Variants in STAC observed in about 807,000 individuals in gnomAD.
STAC encodes the protein SH3 and cysteine rich domain.
Under a neutral mutation model 48.8 loss-of-function variants are expected in STAC, and 43 were observed. The ratio of observed to expected loss-of-function variants is 0.88; its 90% CI spans 0.69 to 1.14. The LOEUF is 1.14. STAC is among the 50% of genes most tolerant of loss of function. The probability of loss-of-function intolerance (pLI) is 0.00; values close to 1 mark genes in which losing one functional copy is unlikely to be tolerated. For synonymous variants in STAC, 193 were observed against 179.5 expected (o/e 1.07, Z -0.60); for missense variants, 497 against 504.0 (o/e 0.99, Z 0.13).
intron 1 of STAC, among the ~76,000 whole-genome samples, chr3:36,421,921 C>T (rs1478375320): frequency 6.6e-6 from 1 of 151,886 alleles, no homozygotes; most frequent in Non-Finnish European, 1.5e-5. Flanking sequence ...AGCTTTCATA[C>T]CTTATTTTGA....
Position 36,526,429 on chromosome 3 carries a change from T to C in STAC, c.921-2267T>C, listed in dbSNP as rs190393476. ...CTGGATCTAAGCCTTAGAGGCATCA[T>C]GTGCTTTGCATGTTTCCACGCACTG... On this transcript the variant is annotated intron_variant, in intron 8 of 10. Transcript: ENST00000273183. Among the ~76,000 whole-genome samples, 5 of 152,330 alleles carry C rather than the reference T, an allele frequency of 3.3e-5. No individual in the cohort carries two copies. The East Asian group carries it at 7.7e-4, about 23-fold the overall frequency.
chr3:36,516,581 G>T (rs1677609496), intron 8 of STAC, among the ~76,000 whole-genome samples: 1 of 152,038 alleles, frequency 6.6e-6, no homozygotes, highest in Non-Finnish European at 1.5e-5. Flanking sequence ...ACCTCTGGAG[G>T]TAATGCAGAC....
At chr3:36,473,072 C>T (rs554189102) in intron 2 of STAC, among the ~76,000 whole-genome samples, 3 of 152,236 alleles carry the variant, frequency 2.0e-5, no homozygotes, top group South Asian at 4.2e-4. Context: ...AGAATCATGG[C>T]GGGAGGCAAA....
In STAC at chr3:36,484,988, T is replaced by C. The variant is rs199583942; in HGVS notation, c.501T>C (p.Phe167=). Residue 167 remains phenylalanine, a synonymous_variant, in exon 4 of 11, where the codon TTT becomes TTC. Coordinates refer to ENST00000273183, the MANE Select transcript of STAC (RefSeq NM_003149.3). ...CATTCTCTCTCCAGCCAAAGGGGTT[T>C]CGGCGTTACTACAGCTCCCCCTTGC... The part of the protein sequence containing the change: ...QRCMGKLPKG[F]RRYYSSPLLI... 7 of 1,601,410 alleles carry C rather than the reference T, an allele frequency of 4.4e-6. No homozygotes were observed. The highest frequency in any genetic ancestry group is 5.1e-6 in the Non-Finnish European group (6 of 1,173,872).
At chr3:36,459,771 G>A (rs1047168927) in intron 2 of STAC, among the ~76,000 whole-genome samples, 3 of 152,172 alleles carry the variant, frequency 2.0e-5, no homozygotes, top group Non-Finnish European at 4.4e-5. Context: ...GAAGGTTTCA[G>A]GTAAGGCTAG....
Position 36,478,204 on chromosome 3 carries a change from CAA to C in STAC, c.389-4786_389-4785del, listed in dbSNP as rs138216064. 4.6e-5 allele frequency among the ~76,000 whole-genome samples: 7 copies of C among 152,304 alleles called. No homozygotes were observed. The East Asian group carries it at 5.8e-4, about 13-fold the overall frequency. Reference sequence around the variant, plus strand: ...CTTTCTTCCTTGTTGTCACCTTCCACAAAGAGTCATATCACAATCTTTGCTCC... The same window carrying C: ...CTTTCTTCCTTGTTGTCACCTTCCACAGAGTCATATCACAATCTTTGCTCC... On this transcript the variant is annotated intron_variant, in intron 2 of 10. Coordinates refer to ENST00000273183, the MANE Select transcript of STAC (RefSeq NM_003149.3).
chr3:36,382,920 T>A (rs1170296976), intron 1 of STAC, among the ~76,000 whole-genome samples: 2 of 152,236 alleles, frequency 1.3e-5, no homozygotes, highest in East Asian at 3.9e-4. Flanking sequence ...TGGTCTTGTT[T>A]GTAAAATATC....
At chr3:36,456,314 C>A (rs530584793) in intron 2 of STAC, among the ~76,000 whole-genome samples, 1 of 152,242 alleles carries the variant, frequency 6.6e-6, no homozygotes, top group East Asian at 1.9e-4. Context: ...TATCACTTTG[C>A]CTGATGTTAT....
intron 1 of STAC, among the ~76,000 whole-genome samples, chr3:36,394,971 G>C (rs1246624023): frequency 6.6e-6 from 1 of 151,378 alleles, no homozygotes; most frequent in Admixed American, 6.6e-5. Context: ...GTGAGGGAGA[G>C]AGATAACTCA....
At chr3:36,474,695 A>C (rs1250653366) in intron 2 of STAC, among the ~76,000 whole-genome samples, 1 of 152,196 alleles carries the variant, frequency 6.6e-6, no homozygotes, top group Non-Finnish European at 1.5e-5. Context: ...TTTCAATATG[A>C]GCTCCACAGC....
chr3:36,440,679 G>C (rs1002453602), intron 1 of STAC, among the ~76,000 whole-genome samples: 2 of 152,210 alleles, frequency 1.3e-5, no homozygotes, highest in Admixed American at 1.3e-4. Context: ...AGATTGAGAT[G>C]CAAATTCACA....
chr3:36,381,924 T>A (rs1699517901), intron 1 of STAC, among the ~76,000 whole-genome samples: 1 of 152,208 alleles, frequency 6.6e-6, no homozygotes, highest in Non-Finnish European at 1.5e-5. Context: ...GGTATGTGTG[T>A]CAACTTTTCT....
chr3:36,464,029 T>C (rs1387292401), intron 2 of STAC, among the ~76,000 whole-genome samples: 2 of 152,162 alleles, frequency 1.3e-5, no homozygotes, highest in South Asian at 2.1e-4. Context: ...TTTGGGTATA[T>C]ACCCAGTAAT....
intron 2 of STAC, among the ~76,000 whole-genome samples, chr3:36,469,828 T>C (rs75457797): frequency 0.031 from 4,787 of 152,240 alleles, 225 homozygotes; most frequent in African/African-American, 0.11. Context: ...CTTCAAGCTC[T>C]GAAATTCTTT....
intron 2 of STAC, chr3:36,459,119 TA>T (rs1696932120): frequency 6.6e-6 from 1 of 152,204 alleles, no homozygotes. Flanking sequence ...AATACAAAAT[TA>T]GTTGAGAAAA....
intron 1 of STAC, among the ~76,000 whole-genome samples, chr3:36,394,022 T>C (rs149347050): frequency 2.1e-4 from 32 of 152,120 alleles, no homozygotes; most frequent in Non-Finnish European, 1.5e-4. Context: ...TGGAACAGGC[T>C]TGCATTTGTG....
chr3:36,421,784 G>A (rs1263037425), intron 1 of STAC, among the ~76,000 whole-genome samples: 2 of 151,972 alleles, frequency 1.3e-5, no homozygotes, highest in East Asian at 3.9e-4. Flanking sequence ...TTACCTTTCT[G>A]CAGACAGTCT....
chr3:36,514,145 G>A (rs111448966), intron 8 of STAC, among the ~76,000 whole-genome samples: 1,610 of 149,050 alleles, frequency 0.011, 22 homozygotes, highest in Middle Eastern at 0.058. Flanking sequence ...TATTTATGGG[G>A]ACTCCAGGAC....
chr3:36,452,866 T>C (rs1696722677), intron 2 of STAC, among the ~76,000 whole-genome samples: 2 of 152,214 alleles, frequency 1.3e-5, no homozygotes, highest in African/African-American at 4.8e-5. Context: ...GCCGAAGGCC[T>C]GTGGGGCCTC....
Sources: gnomAD v4.1 joint callset for allele counts (sites outside exome capture counted in the v4.1 genomes callset) on GRCh38, gnomAD v4.1.1 for gene constraint, MANE v1.5 for transcripts, NCBI Gene and HGNC (gene_info 2026-07-23, HGNC 2026-07-21) for gene names.